Variants in UBE2R2 observed in about 807,000 individuals in gnomAD.
UBE2R2 encodes ubiquitin-conjugating enzyme E2 R2.
UBE2R2 carries 1 observed loss-of-function variant against 27.8 expected under a neutral mutation model. That is an observed-to-expected ratio of 0.04 (90% CI 0.01 to 0.17). The LOEUF (loss-of-function observed/expected upper bound fraction) is 0.17. Among genes scored for constraint, UBE2R2 ranks in the 10% least tolerant of loss-of-function variants. The pLI, the probability that UBE2R2 is intolerant of heterozygous loss-of-function variation, is 1.00. For missense variants in UBE2R2, 100 were observed against 291.0 expected (o/e 0.34, Z 4.78); for synonymous variants, 106 against 113.3 (o/e 0.94, Z 0.41).
In UBE2R2 at chr9:33,917,650, T is replaced by C. The variant is rs1382978824; in HGVS notation, c.*413T>C. Reference sequence around the variant, plus strand: ...GAACCTGTTGGGAGTTCACAAGTGCTGCATATACTGGGTAGCAAAAGAAAA... The same window carrying C: ...GAACCTGTTGGGAGTTCACAAGTGCCGCATATACTGGGTAGCAAAAGAAAA... On this transcript the variant is annotated 3_prime_UTR_variant, in exon 5 of 5. Coordinates refer to ENST00000263228, the MANE Select transcript of UBE2R2 (RefSeq NM_017811.4). 3.3e-6 allele frequency: 1 copy of C among 304,928 alleles called. No homozygotes were observed. Among genetic ancestry groups the C allele is most frequent in the African/African-American group, 2.2e-5 (1 of 46,032 alleles). The allele number at this position is 304,928 out of a possible 1,614,324, so 18.9% of individuals were successfully genotyped here.
intron 1 of UBE2R2, among the ~76,000 whole-genome samples, chr9:33,869,130 G>A (rs998368357): frequency 6.6e-6 from 1 of 152,008 alleles, no homozygotes; most frequent in Non-Finnish European, 1.5e-5. Flanking sequence ...CTAGTTGGGT[G>A]TGGTGGTGCA....
At position 33,817,407 on chromosome 9, in the gene UBE2R2, C is replaced by A. The variant is rs1825815547; in HGVS notation, c.-351C>A. On this transcript the variant is annotated 5_prime_UTR_variant, in exon 1 of 5. Transcript: ENST00000263228. ...CCCTTCACCATCGCCGGCCCTCCGC[C>A]GCCTTCCTCCGCTTCCACCTCCTCT... Among the ~76,000 whole-genome samples, 1 of 150,056 alleles carries A rather than the reference C, an allele frequency of 6.7e-6. No individual in the cohort carries two copies. The highest frequency in any genetic ancestry group is 2.4e-5 in the African/African-American group (1 of 40,844).
intron 1 of UBE2R2, among the ~76,000 whole-genome samples, chr9:33,857,184 C>A (rs1327761209): frequency 6.6e-6 from 1 of 151,638 alleles, no homozygotes; most frequent in Non-Finnish European, 1.5e-5. Context: ...GCATGAGCCA[C>A]CCTGCCTGGC....
At position 33,917,317 on chromosome 9, in the gene UBE2R2, C is replaced by G. The variant is rs1822672828; in HGVS notation, c.*80C>G. 1.3e-6 allele frequency: 2 copies of G among 1,575,216 alleles called. No homozygotes were observed. The highest frequency in any genetic ancestry group is 1.7e-6 in the Non-Finnish European group (2 of 1,165,134). On this transcript the variant is annotated 3_prime_UTR_variant, in exon 5 of 5. Coordinates refer to ENST00000263228, the MANE Select transcript of UBE2R2 (RefSeq NM_017811.4). The stretch of plus-strand genomic sequence containing the variant: ...AGCAAGTGGGGACCTGGCCATGGCC[C>G]CTCAGCAAAAACCTATTCACAGCGG...
chr9:33,840,792 C>T (rs1008967448), intron 1 of UBE2R2, among the ~76,000 whole-genome samples: 2 of 152,014 alleles, frequency 1.3e-5, no homozygotes, highest in Admixed American at 6.6e-5. Flanking sequence ...ACCTGCTGTT[C>T]AGTTATCCAG....
rs550873521 is a variant in UBE2R2 at position 33,865,825 on chromosome 9, G to GT, written c.178-21047dup. Among the ~76,000 whole-genome samples, 282 of 143,192 alleles carry GT rather than the reference G, an allele frequency of 2.0e-3. 1 individual carries two copies. The highest frequency in any genetic ancestry group is 3.8e-3 in the South Asian group (17 of 4,468). 93.9% of individuals were successfully genotyped at this position (143,192 alleles called of 152,430 possible). On this transcript the variant is annotated intron_variant, in intron 1 of 4. Transcript: ENST00000263228. Reference sequence around the variant, plus strand: ...CCCTCCACATTTAGTTTTTTTGTGTGTTTTTTTTTGTTTTTTTTTTTTTGA... The same window carrying GT: ...CCCTCCACATTTAGTTTTTTTGTGTGTTTTTTTTTTGTTTTTTTTTTTTTGA...
Position 33,822,856 on chromosome 9 carries a change from A to G in UBE2R2, c.177+4922A>G, listed in dbSNP as rs1039649550. ...AACCAGACTTAGCCTAGATCTGGCA[A>G]TGTCATTTAGATATTTTATTTCTTT... On this transcript the variant is annotated intron_variant, in intron 1 of 4. Coordinates refer to ENST00000263228, the MANE Select transcript of UBE2R2 (RefSeq NM_017811.4). Among the ~76,000 whole-genome samples the G allele has an allele frequency of 2.0e-5, 3 of 151,030 alleles. No individual in the cohort carries two copies. In the South Asian group the frequency reaches 6.3e-4, roughly 32 times the overall value.
chr9:33,905,002 G>A (rs1822321615), intron 3 of UBE2R2, among the ~76,000 whole-genome samples: 1 of 152,122 alleles, frequency 6.6e-6, no homozygotes, highest in South Asian at 2.1e-4. Flanking sequence ...GGGAGCTTTG[G>A]GGATAGGGTA....
At chr9:33,915,145 AT>A (rs1564008192) in intron 4 of UBE2R2, among the ~76,000 whole-genome samples, 1 of 151,100 alleles carries the variant, frequency 6.6e-6, no homozygotes, top group Non-Finnish European at 1.5e-5. Context: ...AAAAAAAAAA[AT>A]CAAATAGTTG....
At chr9:33,834,553 C>T (rs1820570576) in intron 1 of UBE2R2, among the ~76,000 whole-genome samples, 1 of 151,812 alleles carries the variant, frequency 6.6e-6, no homozygotes, top group South Asian at 2.1e-4. Context: ...GACCTTGTCA[C>T]GATATTAGCT....
chr9:33,841,794 T>C (rs967217902), intron 1 of UBE2R2, among the ~76,000 whole-genome samples: 4 of 152,196 alleles, frequency 2.6e-5, no homozygotes, highest in Admixed American at 2.6e-4. Context: ...TCATTATTAA[T>C]TACTCGCTTG....
intron 1 of UBE2R2, among the ~76,000 whole-genome samples, chr9:33,870,478 G>A (rs532610210): frequency 6.6e-5 from 10 of 152,060 alleles, no homozygotes; most frequent in Non-Finnish European, 1.3e-4. Context: ...GGGGAGAATA[G>A]GAAACCAAGG....
chr9:33,866,585 T>C (rs530045060), intron 1 of UBE2R2, among the ~76,000 whole-genome samples: 1 of 152,290 alleles, frequency 6.6e-6, no homozygotes, highest in Admixed American at 6.5e-5. Flanking sequence ...AAGTTGTATG[T>C]GTCATAAATA....
intron 2 of UBE2R2, among the ~76,000 whole-genome samples, chr9:33,891,474 C>T (rs1821986672): frequency 6.6e-6 from 1 of 151,934 alleles, no homozygotes. Flanking sequence ...AGTGAAATCC[C>T]ACCTCTACTA....
At chr9:33,853,729 G>A (rs1821028666) in intron 1 of UBE2R2, among the ~76,000 whole-genome samples, 1 of 148,536 alleles carries the variant, frequency 6.7e-6, no homozygotes, top group Non-Finnish European at 1.5e-5. Flanking sequence ...GGCCCATGTT[G>A]TCATTGGTCT....
chr9:33,914,909 G>A (rs955960285), intron 4 of UBE2R2, among the ~76,000 whole-genome samples: 15 of 152,040 alleles, frequency 9.9e-5, no homozygotes, highest in Non-Finnish European at 2.1e-4. Flanking sequence ...GGCCGAGGCG[G>A]GCAGATTGCT....
intron 3 of UBE2R2, among the ~76,000 whole-genome samples, chr9:33,909,006 TTAAA>T (rs138047093): frequency 4.0e-5 from 6 of 150,158 alleles, no homozygotes; most frequent in East Asian, 3.9e-4. Context: ...GACCCTGTCT[TTAAA>T]TAAATAAATA....
intron 3 of UBE2R2, among the ~76,000 whole-genome samples, chr9:33,909,349 G>C (rs142270674): frequency 6.6e-6 from 1 of 151,930 alleles, no homozygotes; most frequent in African/African-American, 2.4e-5. Flanking sequence ...TTGGCCAACT[G>C]TGGTGGCGCG....
At chr9:33,912,408 T>C (rs1475525593) in intron 4 of UBE2R2, among the ~76,000 whole-genome samples, 2 of 152,030 alleles carry the variant, frequency 1.3e-5, no homozygotes, top group Non-Finnish European at 2.9e-5. Context: ...GCGGATCACC[T>C]GAGGTCAGGA....
Sources: allele counts gnomAD v4.1 joint callset (sites outside exome capture counted in the v4.1 genomes callset), GRCh38; gene constraint gnomAD v4.1.1; transcripts MANE v1.5; gene names NCBI Gene and HGNC (gene_info 2026-07-23, HGNC 2026-07-21).